RBL2: variants seen among roughly 807,000 people sequenced by gnomAD.
The protein encoded by RBL2 is RB transcriptional corepressor like 2.
In RBL2, 56 loss-of-function variants were observed where a neutral mutation model predicts 126.0. The ratio of observed to expected loss-of-function variants is 0.44; its 90% confidence interval spans 0.36 to 0.56. RBL2 has a LOEUF of 0.56. RBL2 is among the 20% of genes least tolerant of loss of function. The pLI is 0.00. For synonymous variants in RBL2, 454 were observed against 478.5 expected (o/e 0.95, Z 0.67); for missense variants, 1,229 against 1,398.2 (o/e 0.88, Z 1.93).
intron 1 of RBL2, among the ~76,000 whole-genome samples, chr16:53,436,769 G>A (rs2057962384): frequency 6.6e-6 from 1 of 152,192 alleles, no homozygotes; most frequent in South Asian, 2.1e-4. Context: ...TCCCCACTGT[G>A]TTATAGCTAC....
chr16:53,481,075 T>A, intron 20 of RBL2: 1 of 222,152 alleles, frequency 4.5e-6, no homozygotes, highest in Non-Finnish European at 9.0e-6. Flanking sequence ...AGGAGAATTG[T>A]TTGAACATGG....
rs561811580 is a variant in RBL2, at chr16:53,453,589, A to G, written c.904A>G (p.Ile302Val). Residue 302 changes from isoleucine (I) to valine (V), a missense_variant, in exon 6 of 22, where the codon ATT becomes GTT. By Grantham distance (29) the Ile-to-Val change is conservative (BLOSUM62 3). Transcript: ENST00000262133. ...GIKEHFWKPY[I>V]RKLYEKKLLK... The stretch of plus-strand genomic sequence containing the variant: ...AAAGGAACATTTCTGGAAACCCTAT[A>G]TTAGGAAACTTTATGAAAAAAAGGT... 9 of 1,609,818 alleles carry G rather than the reference A, an allele frequency of 5.6e-6. No individual in the cohort carries two copies. Among genetic ancestry groups the G allele is most frequent in the Middle Eastern group, 1.7e-4 (1 of 6,050 alleles).
rs1203907255 is a variant in RBL2, at chr16:53,454,201, TTTTTG to T, written c.993-440_993-436del. 12 of 453,888 alleles carry T rather than the reference TTTTTG, an allele frequency of 2.6e-5. No individual in the cohort carries two copies. In the East Asian group the frequency reaches 3.5e-4, roughly 13 times the overall value. 28.1% of individuals were successfully genotyped at this position (453,888 alleles called of 1,614,324 possible). On this transcript the variant is annotated intron_variant, in intron 7 of 21. Coordinates refer to ENST00000262133, the MANE Select transcript of RBL2 (RefSeq NM_005611.4). ...CAGGATTACATGTGATACTATCCAG[TTTTTG>T]TTTTGTTTTGTTTTTTGAGATGGAG...
chr16:53,479,418 CAAT>C, intron 18 of RBL2, 193 bp downstream of exon 18: 2 of 562,480 alleles, frequency 3.6e-6, no homozygotes, highest in Non-Finnish European at 6.3e-6. Context: ...CAAAAGGCAA[CAAT>C]GTTAAATATT....
intron 17 of RBL2, 197 bp from the exon 18 acceptor site, chr16:53,478,957 G>A (rs1021847617): frequency 1.7e-6 from 1 of 577,538 alleles, no homozygotes; most frequent in Non-Finnish European, 3.1e-6. Context: ...GACTCCTATT[G>A]TTTTTATTGA....
intron 1 of RBL2, among the ~76,000 whole-genome samples, chr16:53,436,175 T>G (rs866551495): frequency 6.6e-6 from 1 of 152,128 alleles, no homozygotes; most frequent in Admixed American, 6.5e-5. Context: ...TTTTGTTTTT[T>G]GGGTTTTTTT....
At chr16:53,469,093 T>C (rs1297278433) in intron 14 of RBL2, among the ~76,000 whole-genome samples, 1 of 152,150 alleles carries the variant, frequency 6.6e-6, no homozygotes, top group Non-Finnish European at 1.5e-5. Context: ...AGCCATGCCT[T>C]GTGGCATATG....
At chr16:53,439,281 T>C (rs2057991347) in intron 2 of RBL2, 135 bp downstream of exon 2, 1 of 670,470 alleles carries the variant, frequency 1.5e-6, no homozygotes, top group Admixed American at 3.6e-5. Flanking sequence ...ATGCTAAAAC[T>C]AGCATCTAAT....
At chr16:53,457,855 T>G (rs1283335682) in intron 8 of RBL2, among the ~76,000 whole-genome samples, 1 of 152,156 alleles carries the variant, frequency 6.6e-6, no homozygotes, top group Non-Finnish European at 1.5e-5. Flanking sequence ...ACACCTAGTT[T>G]CCTCTGTGAA....
At chr16:53,448,058 G>A (rs899622390) in intron 4 of RBL2, among the ~76,000 whole-genome samples, 2 of 152,186 alleles carry the variant, frequency 1.3e-5, no homozygotes, top group African/African-American at 2.4e-5. Flanking sequence ...CACTAAGATG[G>A]CTCAATAAAA....
intron 21 of RBL2, among the ~76,000 whole-genome samples, chr16:53,485,818 T>TA (rs1961144208): frequency 6.6e-6 from 1 of 151,848 alleles, no homozygotes; most frequent in Non-Finnish European, 1.5e-5. Context: ...CTCACATTAC[T>TA]ACACTCCAGC....
chr16:53,482,733 C>G (rs1961002766), intron 21 of RBL2, among the ~76,000 whole-genome samples: 1 of 151,542 alleles, frequency 6.6e-6, no homozygotes, highest in African/African-American at 2.4e-5. Context: ...TAGCTTGAAC[C>G]CAGGAGGTGG....
intron 2 of RBL2, among the ~76,000 whole-genome samples, chr16:53,440,337 C>T (rs751973720): frequency 6.6e-6 from 1 of 152,024 alleles, no homozygotes; most frequent in Non-Finnish European, 1.5e-5. Context: ...TTTTAGCTGA[C>T]GTTGTGAATT....
chr16:53,442,817 T>G lies in RBL2; in HGVS notation c.531T>G (p.Pro177=). 6.2e-7 allele frequency: 1 copy of G among 1,613,584 alleles called. No homozygotes were observed. Among genetic ancestry groups the G allele is most frequent in the Non-Finnish European group, 8.5e-7 (1 of 1,179,708 alleles). Reference sequence around the variant, plus strand: ...TTTTTCAGGACATCTTTAAATACCCTCAAGAGGAGCAACCTCGTCAGCAGC... The same window carrying G: ...TTTTTCAGGACATCTTTAAATACCCGCAAGAGGAGCAACCTCGTCAGCAGC... ...EPIFQDIFKY[P]QEEQPRQQRG... Residue 177 remains proline (P), a synonymous_variant, in exon 3 of 22, where the codon CCT becomes CCG. Coordinates refer to ENST00000262133, the MANE Select transcript of RBL2 (RefSeq NM_005611.4).
At chr16:53,452,780 T>C (rs1163854477) in intron 5 of RBL2, among the ~76,000 whole-genome samples, 2 of 152,002 alleles carry the variant, frequency 1.3e-5, no homozygotes, top group Non-Finnish European at 2.9e-5. Context: ...GATCCTCTCA[T>C]CTCAGCCTCC....
intron 12 of RBL2, chr16:53,464,589 T>G: frequency 2.8e-6 from 1 of 354,468 alleles, no homozygotes; most frequent in East Asian, 4.9e-5. Context: ...TTCCTCTCTA[T>G]CTAATAAAAG....
At chr16:53,459,429 G>A (rs745915816) in intron 8 of RBL2, 22 bp from the exon 9 acceptor site, 6 of 1,575,558 alleles carry the variant, frequency 3.8e-6, no homozygotes, top group East Asian at 2.2e-5. Context: ...TATTAATTCT[G>A]TGTAATTTTT....
At chr16:53,447,561 T>C (rs1489712983) in intron 4 of RBL2, among the ~76,000 whole-genome samples, 1 of 152,178 alleles carries the variant, frequency 6.6e-6, no homozygotes, top group Non-Finnish European at 1.5e-5. Context: ...TTCTTTCCCT[T>C]TTTTCTTGTC....
At chr16:53,441,580 CATT>C (rs1159233422) in intron 2 of RBL2, among the ~76,000 whole-genome samples, 1 of 151,974 alleles carries the variant, frequency 6.6e-6, no homozygotes, top group Non-Finnish European at 1.5e-5. Context: ...ATGTCAGAAA[CATT>C]ATTGAGTGTG....
Sources: gnomAD v4.1 joint callset for allele counts (sites outside exome capture counted in the v4.1 genomes callset) on GRCh38, gnomAD v4.1.1 for gene constraint, MANE v1.5 for transcripts, NCBI Gene and HGNC (gene_info 2026-07-23, HGNC 2026-07-21) for gene names.